FMNL3: variants seen among roughly 807,000 people sequenced by gnomAD.
The protein encoded by FMNL3 is formin-like protein 3.
In FMNL3, 57 loss-of-function variants were observed where a neutral mutation model predicts 119.6. The ratio of observed to expected loss-of-function variants is 0.48; its 90% CI spans 0.39 to 0.59. The LOEUF is 0.59. FMNL3 is among the 20% of genes least tolerant of loss of function. The pLI is 0.00. For synonymous variants in FMNL3, 491 were observed against 507.3 expected (o/e 0.97, Z 0.43); for missense variants, 1,053 against 1,323.5 (o/e 0.80, Z 3.17).
At position 49,643,871 on chromosome 12, in the gene FMNL3, A is replaced by T. The variant is rs762264867; in HGVS notation, c.*1944T>A. 2.5e-6 allele frequency: 4 copies of T among 1,614,194 alleles called. No individual in the cohort carries two copies. The highest frequency in any genetic ancestry group is 3.4e-6 in the Non-Finnish European group (4 of 1,180,010). On this transcript the variant is annotated 3_prime_UTR_variant, in exon 26 of 26. Coordinates refer to ENST00000335154, the MANE Select transcript of FMNL3 (RefSeq NM_175736.5). ...TCTGGACTCTTACAGAATAGTCCTG[A>T]GAGTGAGACAGACCCTGAGGAGAAA...
At chr12:49,696,384 C>A (rs1250976635) in intron 1 of FMNL3, among the ~76,000 whole-genome samples, 1 of 152,166 alleles carries the variant, frequency 6.6e-6, no homozygotes, top group Non-Finnish European at 1.5e-5. Context: ...AAAGTCTGCC[C>A]TCCTTGTAAG....
chr12:49,683,265 A>G (rs1446684143), intron 1 of FMNL3, among the ~76,000 whole-genome samples: 1 of 152,114 alleles, frequency 6.6e-6, no homozygotes, highest in Non-Finnish European at 1.5e-5. Context: ...CTCCTTTGAG[A>G]TTCAGCTTTA....
intron 1 of FMNL3, among the ~76,000 whole-genome samples, chr12:49,675,231 C>T (rs922971750): frequency 4.6e-5 from 7 of 152,206 alleles, no homozygotes; most frequent in Non-Finnish European, 7.3e-5. Context: ...CTTCTGTCAG[C>T]GCTTCCCAAC....
At chr12:49,693,669 A>C (rs1944675032) in intron 1 of FMNL3, among the ~76,000 whole-genome samples, 3 of 68,264 alleles carry the variant, frequency 4.4e-5, no homozygotes, top group East Asian at 4.6e-4. Context: ...TTTTTTTGAG[A>C]CAGAGTTTCG....
In FMNL3 at chr12:49,641,231, A is replaced by C. The variant is rs1025842919; in HGVS notation, c.*4584T>G. On this transcript the variant is annotated 3_prime_UTR_variant, in exon 26 of 26. Transcript: ENST00000335154. Reference sequence around the variant, plus strand: ...GGACATGTTTTTAGTATTGGTGGGGAGCTGCACACCTGGTGGCCTCCGTTT... The same window carrying C: ...GGACATGTTTTTAGTATTGGTGGGGCGCTGCACACCTGGTGGCCTCCGTTT... 3 of 152,216 alleles carry C rather than the reference A, an allele frequency of 2.0e-5. No homozygotes were observed. The highest frequency in any genetic ancestry group is 2.0e-4 in the Admixed American group (3 of 15,284). The allele number at this position is 152,216 out of a possible 1,614,324, so 9.4% of individuals were successfully genotyped here.
At chr12:49,695,559 T>C (rs945484150) in intron 1 of FMNL3, among the ~76,000 whole-genome samples, 13 of 152,152 alleles carry the variant, frequency 8.5e-5, no homozygotes, top group African/African-American at 3.1e-4. Context: ...TTAAGTTAAA[T>C]GAGATAAAAC....
rs769211608 is a variant in FMNL3, at chr12:49,647,766, A to C, written c.2715T>G (p.Ser905Arg). 1 of 1,613,376 alleles carries C rather than the reference A, an allele frequency of 6.2e-7. No homozygotes were observed. The highest frequency in any genetic ancestry group is 1.7e-5 in the Admixed American group (1 of 59,954). ...YNAVVRYFGE[S>R]PKTTPPSVFF... ...ATACAGAAGGAGGTGTAGTCTTGGG[A>C]CTCTCGCCAAAGTAGCGCACAACTG... Residue 905 changes from serine (S) to arginine (R), a missense_variant, in exon 23 of 26, where the codon AGT (serine) becomes AGG (arginine). By Grantham distance (110) the Ser-to-Arg change is moderately radical. This residue lies in a region of FMNL3 where 324 missense variants were observed against 380.9 expected (regional missense o/e 0.85). Transcript: ENST00000335154. The surrounding 1 kb of genome is among the most constrained non-coding windows in gnomAD (Gnocchi z 4.9).
intron 2 of FMNL3, 76 bp from the exon 3 acceptor site, chr12:49,666,283 T>C (rs2138852384): frequency 7.6e-7 from 1 of 1,317,940 alleles, no homozygotes; most frequent in Non-Finnish European, 1.1e-6. Flanking sequence ...AAGAAGAGCA[T>C]TCATAGTGTT....
chr12:49,685,501 AG>A, intron 1 of FMNL3, among the ~76,000 whole-genome samples: 1 of 152,234 alleles, frequency 6.6e-6, no homozygotes, highest in South Asian at 2.1e-4. Flanking sequence ...TGGCTACACA[AG>A]AGACAAAATG....
At position 49,707,039 on chromosome 12, in the gene FMNL3, T is replaced by G; in HGVS notation, c.126+16A>C. 1 of 1,568,206 alleles carries G rather than the reference T, an allele frequency of 6.4e-7. No homozygotes were observed. The highest frequency in any genetic ancestry group is 8.6e-7 in the Non-Finnish European group (1 of 1,156,956). On this transcript the variant is annotated intron_variant, in intron 1 of 25. Coordinates refer to ENST00000335154, the MANE Select transcript of FMNL3 (RefSeq NM_175736.5). Reference sequence around the variant, plus strand: ...AGGGGCGGTACGCGGGGGAAGGGGCTGGGCTCAGCTCTCACCAGCACCAGG... The same window carrying G: ...AGGGGCGGTACGCGGGGGAAGGGGCGGGGCTCAGCTCTCACCAGCACCAGG...
At chr12:49,654,009 T>C in intron 11 of FMNL3, 135 bp from the exon 12 acceptor site, 1 of 1,341,720 alleles carries the variant, frequency 7.5e-7, no homozygotes, top group South Asian at 1.4e-5. Context: ...CATGTCAGAT[T>C]CTCGCCCCCA....
chr12:49,683,354 A>C (rs539683881), intron 1 of FMNL3, among the ~76,000 whole-genome samples: 2 of 152,100 alleles, frequency 1.3e-5, no homozygotes, highest in Admixed American at 6.5e-5. Flanking sequence ...TGGCCTCATC[A>C]CTTTTCCTTC....
chr12:49,704,625 T>G (rs1057336512), intron 1 of FMNL3, among the ~76,000 whole-genome samples: 1 of 146,940 alleles, frequency 6.8e-6, no homozygotes, highest in Admixed American at 7.1e-5. Flanking sequence ...GCAGGAGAAC[T>G]GCTTGAACCC....
At chr12:49,677,032 T>G (rs1358725744) in intron 1 of FMNL3, among the ~76,000 whole-genome samples, 2 of 152,174 alleles carry the variant, frequency 1.3e-5, no homozygotes, top group Non-Finnish European at 2.9e-5. Context: ...ATTCGTATAT[T>G]CCTTCTGTCC....
intron 1 of FMNL3, among the ~76,000 whole-genome samples, chr12:49,686,993 G>A (rs998509438): frequency 1.3e-5 from 2 of 152,080 alleles, no homozygotes; most frequent in East Asian, 3.8e-4. Context: ...ACACACTCAG[G>A]CACTGGGATC....
At chr12:49,674,113 C>G (rs1488258125) in intron 1 of FMNL3, among the ~76,000 whole-genome samples, 1 of 152,196 alleles carries the variant, frequency 6.6e-6, no homozygotes, top group East Asian at 1.9e-4. Flanking sequence ...TCGCTGCCAA[C>G]CTGGGGAGAC....
In FMNL3 at chr12:49,643,671, A is replaced by G. The variant is rs199498901; in HGVS notation, c.*2144T>C. 14 of 1,610,864 alleles carry G rather than the reference A, an allele frequency of 8.7e-6. No individual in the cohort carries two copies. The highest frequency in any genetic ancestry group is 6.7e-5 in the Admixed American group (4 of 59,296). ...TGTCTTTCTCCTGTTGGGACTTAGTAGGGATTTTTCTATCTCTAGATCATG... is the reference window on the plus strand; with the variant it reads ...TGTCTTTCTCCTGTTGGGACTTAGTGGGGATTTTTCTATCTCTAGATCATG... On this transcript the variant is annotated 3_prime_UTR_variant, in exon 26 of 26. Transcript: ENST00000335154.
Position 49,650,762 on chromosome 12 carries a change from C to T in FMNL3, c.1914G>A (p.Leu638=), listed in dbSNP as rs765897099. 6.2e-7 allele frequency: 1 copy of T among 1,614,244 alleles called. No individual in the cohort carries two copies. The highest frequency in any genetic ancestry group is 8.5e-7 in the Non-Finnish European group (1 of 1,180,046). Residue 638 remains leucine (L), a synonymous_variant, in exon 17 of 26, where the codon CTG becomes CTA. Transcript: ENST00000335154. ...TAQKAASKVT[L]LEANRAKNLA... Reference sequence around the variant, plus strand: ...GGTTCTTGGCACGATTGGCTTCCAACAGAGTCACCTTGCTGGCAGCTTTTT... The same window carrying T: ...GGTTCTTGGCACGATTGGCTTCCAATAGAGTCACCTTGCTGGCAGCTTTTT...
At chr12:49,672,951 GGA>G (rs1466205401) in intron 1 of FMNL3, among the ~76,000 whole-genome samples, 1 of 152,224 alleles carries the variant, frequency 6.6e-6, no homozygotes, top group African/African-American at 2.4e-5. Flanking sequence ...CGAGAGACAG[GGA>G]GAGAGACGTT....
Sources: gnomAD v4.1 joint callset for allele counts (sites outside exome capture counted in the v4.1 genomes callset) on GRCh38, gnomAD v4.1.1 for gene constraint, gnomAD v4.1.1 regional missense constraint, Gnocchi (gnomAD v3.1) non-coding constraint, MANE v1.5 for transcripts, NCBI Gene and HGNC (gene_info 2026-07-23, HGNC 2026-07-21) for gene names.